The following PLEKHH2 variants were observed in gnomAD, a reference collection of about 807,000 sequenced individuals.
The protein encoded by PLEKHH2 is pleckstrin homology domain-containing family H member 2.
In PLEKHH2, 129 loss-of-function variants were observed where a neutral mutation model predicts 187.9. The observed-to-expected ratio is 0.69, with a 90% CI of 0.59 to 0.79. PLEKHH2 has a LOEUF of 0.79. Among genes scored for constraint, PLEKHH2 ranks in the 30% least tolerant of loss-of-function variants. The pLI, the probability that PLEKHH2 is intolerant of heterozygous loss-of-function variation, is 0.00. For synonymous variants in PLEKHH2, 686 were observed against 605.6 expected (o/e 1.13, Z -1.95); for missense variants, 2,076 against 1,751.2 (o/e 1.19, Z -3.31).
intron 2 of PLEKHH2, among the ~76,000 whole-genome samples, chr2:43,670,120 CA>C (rs1667423501): frequency 7.2e-6 from 1 of 139,680 alleles, no homozygotes; most frequent in South Asian, 2.3e-4. Flanking sequence ...AAAAAGAAAA[CA>C]TTTTTTAGGT....
At position 43,709,978 on chromosome 2, in the gene PLEKHH2, T is replaced by A; in HGVS notation, c.1967-12T>A. 6.3e-7 allele frequency: 1 copy of A among 1,595,308 alleles called. No homozygotes were observed. Among genetic ancestry groups the A allele is most frequent in the African/African-American group, 1.4e-5 (1 of 73,854 alleles). ...TTAAATACTGACTTGATTTCTTTCT[T>A]TGTTCTCTTAGGTGTGTCTCTCTCC... On this transcript the variant is annotated splice_polypyrimidine_tract_variant and intron_variant, in intron 11 of 29. Transcript: ENST00000282406.
At position 43,742,663 on chromosome 2, in the gene PLEKHH2, A is replaced by G. The variant is rs535753783; in HGVS notation, c.3222-78A>G. ...TAATACATTGTGATAATGTACACGG[A>G]TGCTTTCTTAATGGTTGCACATATT... On this transcript the variant is annotated intron_variant, in intron 21 of 29. Coordinates refer to ENST00000282406, the MANE Select transcript of PLEKHH2 (RefSeq NM_172069.4). 8.4e-5 allele frequency: 94 copies of G among 1,114,060 alleles called. No homozygotes were observed. The African/African-American group carries it at 1.5e-3, about 17-fold the overall frequency. 69.0% of individuals were successfully genotyped at this position (1,114,060 alleles called of 1,614,324 possible). A position where few individuals can be genotyped will look rare whatever the true frequency, so the allele number is the denominator to read the frequency against.
At chr2:43,691,460 A>G (rs889927192) in intron 3 of PLEKHH2, among the ~76,000 whole-genome samples, 4 of 152,216 alleles carry the variant, frequency 2.6e-5, no homozygotes, top group Non-Finnish European at 5.9e-5. Context: ...TAGAAAACCA[A>G]TTAGGAAAGG....
At chr2:43,682,184 A>T (rs719425) in intron 3 of PLEKHH2, among the ~76,000 whole-genome samples, 58,495 of 152,060 alleles carry the variant, frequency 0.38, 11,621 homozygotes, top group Non-Finnish European at 0.42. Flanking sequence ...TACCATCATC[A>T]CACCAAAAAA....
In PLEKHH2 at chr2:43,742,692, T is replaced by A. The variant is rs915213567; in HGVS notation, c.3222-49T>A. 5.2e-6 allele frequency: 7 copies of A among 1,346,586 alleles called. No homozygotes were observed. In the Admixed American group the frequency reaches 1.9e-4, roughly 36 times the overall value. The allele number at this position is 1,346,586 out of a possible 1,614,324, so 83.4% of individuals were successfully genotyped here. A position where few individuals can be genotyped will look rare whatever the true frequency, so the allele number is the denominator to read the frequency against. On this transcript the variant is annotated intron_variant, in intron 21 of 29. Coordinates refer to ENST00000282406, the MANE Select transcript of PLEKHH2 (RefSeq NM_172069.4). ...TTTCTTAATGGTTGCACATATTAGG[T>A]TGTCAATTAAATTTATTCTTAGATT...
intron 8 of PLEKHH2, 65 bp from the exon 9 acceptor site, chr2:43,703,916 C>CTTTTTTATTT: frequency 2.6e-6 from 1 of 384,604 alleles, no homozygotes; most frequent in South Asian, 2.2e-5. Flanking sequence ...TGAAAGTAGT[C>CTTTTTTATTT]TTTTTTTTTT....
chr2:43,708,636 C>T (rs546058147), intron 11 of PLEKHH2, among the ~76,000 whole-genome samples: 17 of 152,288 alleles, frequency 1.1e-4, no homozygotes, highest in African/African-American at 3.4e-4. Flanking sequence ...GGTCTCCTTC[C>T]GCTAGAATTT....
intron 2 of PLEKHH2, among the ~76,000 whole-genome samples, chr2:43,669,987 G>A (rs577869640): frequency 6.6e-5 from 10 of 152,200 alleles, no homozygotes; most frequent in South Asian, 2.1e-4. Context: ...TTTAAGAAAC[G>A]TTTACAGAAC....
At chr2:43,654,407 G>C (rs1408758877) in intron 2 of PLEKHH2, among the ~76,000 whole-genome samples, 1 of 151,892 alleles carries the variant, frequency 6.6e-6, no homozygotes, top group Non-Finnish European at 1.5e-5. Context: ...ATGTTGGCCA[G>C]GATGGTCTCG....
chr2:43,675,996 G>A, intron 2 of PLEKHH2: 1 of 1,613,948 alleles, frequency 6.2e-7, no homozygotes, highest in Non-Finnish European at 8.5e-7. Flanking sequence ...TTTCTATATT[G>A]AACAAATTAT....
At chr2:43,659,483 C>T (rs1402337039) in intron 2 of PLEKHH2, among the ~76,000 whole-genome samples, 5 of 151,796 alleles carry the variant, frequency 3.3e-5, no homozygotes, top group African/African-American at 1.2e-4. Flanking sequence ...TTTATTTTAC[C>T]AGACTAAATT....
intron 2 of PLEKHH2, among the ~76,000 whole-genome samples, chr2:43,645,122 A>G (rs536376812): frequency 8.5e-5 from 13 of 152,192 alleles, no homozygotes; most frequent in African/African-American, 3.1e-4. Context: ...CAAAAATCAT[A>G]TTGAAGGGAT....
chr2:43,669,710 CT>C (rs372867490), intron 2 of PLEKHH2, among the ~76,000 whole-genome samples: 95 of 146,612 alleles, frequency 6.5e-4, no homozygotes, highest in Admixed American at 6.1e-4. Flanking sequence ...AAGGAAGAAA[CT>C]TTTTTTTTTT....
intron 1 of PLEKHH2, among the ~76,000 whole-genome samples, chr2:43,638,565 C>A (rs959573220): frequency 1.3e-5 from 2 of 152,096 alleles, no homozygotes; most frequent in Admixed American, 1.3e-4. Flanking sequence ...TTTTTCCTGT[C>A]CCCTGAAGTG....
chr2:43,710,610 T>A, intron 14 of PLEKHH2, 35 bp downstream of exon 14: 1 of 1,488,768 alleles, frequency 6.7e-7, no homozygotes, highest in Non-Finnish European at 9.0e-7. Flanking sequence ...TTTTTTTTTG[T>A]ATCATGCCAG....
intron 24 of PLEKHH2, among the ~76,000 whole-genome samples, chr2:43,749,866 C>T (rs1298412915): frequency 6.6e-6 from 1 of 152,154 alleles, no homozygotes; most frequent in African/African-American, 2.4e-5. Context: ...TATCAATTCT[C>T]TTTATCATGG....
chr2:43,752,255 T>C (rs150848352), intron 24 of PLEKHH2, among the ~76,000 whole-genome samples: 7 of 152,350 alleles, frequency 4.6e-5, no homozygotes, highest in African/African-American at 1.7e-4. Flanking sequence ...TTTGGATTTG[T>C]CATCTGTTTC....
rs753775265 is a variant in PLEKHH2, at chr2:43,695,177, A to T, written c.455A>T (p.Asn152Ile). The T allele has an allele frequency of 1.9e-6, 3 of 1,600,692 alleles. No individual in the cohort carries two copies. In the East Asian group the frequency reaches 6.7e-5, roughly 36 times the overall value. Residue 152 changes from asparagine to isoleucine, a missense_variant, in exon 6 of 30, where the codon AAC becomes ATC. Coordinates refer to ENST00000282406, the MANE Select transcript of PLEKHH2 (RefSeq NM_172069.4). Reference sequence around the variant, plus strand: ...GAGAATCAGAATCTTCGTTTGATCAACCAAAACCAAACTGAAGAGATAAGA... The same window carrying T: ...GAGAATCAGAATCTTCGTTTGATCATCCAAAACCAAACTGAAGAGATAAGA... ...ELENQNLRLI[N>I]QNQTEEIRTM...
intron 2 of PLEKHH2, among the ~76,000 whole-genome samples, chr2:43,674,022 T>C (rs1395574689): frequency 6.6e-6 from 1 of 152,224 alleles, no homozygotes; most frequent in Non-Finnish European, 1.5e-5. Context: ...ATAATGATAC[T>C]GTCCTTCATA....
Sources: gnomAD v4.1 joint callset for allele counts (sites outside exome capture counted in the v4.1 genomes callset) on GRCh38, gnomAD v4.1.1 for gene constraint, MANE v1.5 for transcripts, NCBI Gene and HGNC (gene_info 2026-07-23, HGNC 2026-07-21) for gene names.